SOX6: variants seen among roughly 807,000 people sequenced by gnomAD.
SOX6 encodes SRY-box transcription factor 6, also known as transcription factor SOX-6.
Under a neutral mutation model 97.8 loss-of-function variants are expected in SOX6, and 11 were observed. The ratio of observed to expected loss-of-function variants is 0.11; its 90% CI spans 0.07 to 0.19. The LOEUF (loss-of-function observed/expected upper bound fraction) is 0.19, where lower values mean the gene tolerates loss of function less well. SOX6 is among the 10% of genes least tolerant of loss of function. SOX6 has a pLI of 1.00. For missense variants in SOX6, 810 were observed against 1,039.5 expected (o/e 0.78, Z 3.04); for synonymous variants, 360 against 371.4 (o/e 0.97, Z 0.35).
intron 14 of SOX6, among the ~76,000 whole-genome samples, chr11:15,987,919 T>C (rs1853918704): frequency 1.3e-5 from 2 of 152,162 alleles, no homozygotes; most frequent in African/African-American, 4.8e-5. Context: ...TATTTGATCT[T>C]ATGTATGTTT....
At chr11:16,633,819 T>C (rs1216323896) in intron 3 of SOX6, among the ~76,000 whole-genome samples, 1 of 152,206 alleles carries the variant, frequency 6.6e-6, no homozygotes, top group African/African-American at 2.4e-5. Context: ...GAAATGACAG[T>C]TGAGCTGTTC....
intron 12 of SOX6, among the ~76,000 whole-genome samples, chr11:16,027,020 G>C (rs1031285699): frequency 6.6e-6 from 1 of 152,116 alleles, no homozygotes; most frequent in Admixed American, 6.6e-5. Flanking sequence ...ATCAATTACA[G>C]TATAATTACC....
intron 1 of SOX6, among the ~76,000 whole-genome samples, chr11:16,383,355 T>G (rs920117766): frequency 6.6e-6 from 1 of 151,928 alleles, no homozygotes; most frequent in Non-Finnish European, 1.5e-5. Context: ...TTATTTAGTT[T>G]TCTTAAAGGA....
chr11:15,978,874 A>C (rs914377699), intron 15 of SOX6, among the ~76,000 whole-genome samples: 8 of 137,464 alleles, frequency 5.8e-5, no homozygotes, highest in South Asian at 2.2e-4. Flanking sequence ...TATAACATAT[A>C]AGCATTATAT....
chr11:16,440,130 G>A (rs1859475092), intron 1 of SOX6, among the ~76,000 whole-genome samples: 1 of 152,174 alleles, frequency 6.6e-6, no homozygotes, highest in South Asian at 2.1e-4. Flanking sequence ...TATTACAAAG[G>A]TGTGTTGAAA....
rs1026620340 is a variant in SOX6, at chr11:16,447,805, A to T, written c.-5+28510T>A. Among the ~76,000 whole-genome samples, 13 of 152,220 alleles carry T rather than the reference A, an allele frequency of 8.5e-5. 1 individual carries two copies. The highest frequency in any genetic ancestry group is 8.5e-4 in the Admixed American group (13 of 15,286). ...AGTGACAAAATGAATTTTTGGAGTC[A>T]ATCAGCATGACTACTGTACAAGACA... On this transcript the variant is annotated intron_variant, in intron 1 of 15. Coordinates refer to the SOX6 transcript ENST00000396356.
In SOX6 at chr11:16,132,390, GAA is replaced by G. The variant is rs1351876910; in HGVS notation, c.778-20469_778-20468del. ...AGAAAGAAAGAAAGAAAGAAAGAAA[GAA>G]AGAAAGAAAAAAGAAAGAAAGAAAG... On this transcript the variant is annotated intron_variant, in intron 6 of 15. Coordinates refer to ENST00000683767, the MANE Select transcript of SOX6 (RefSeq NM_001367873.1). Among the ~76,000 whole-genome samples the G allele has an allele frequency of 6.5e-4, 46 of 71,086 alleles. 6 individuals carry two copies. Among genetic ancestry groups the G allele is most frequent in the East Asian group, 6.3e-3 (11 of 1,760 alleles). 46.6% of individuals were successfully genotyped at this position (71,086 alleles called of 152,430 possible). A position where few individuals can be genotyped will look rare whatever the true frequency, so the allele number is the denominator to read the frequency against.
chr11:16,563,277 A>C (rs970615943), intron 4 of SOX6, among the ~76,000 whole-genome samples: 1 of 152,126 alleles, frequency 6.6e-6, no homozygotes, highest in Non-Finnish European at 1.5e-5. Context: ...TTAAAAGCTC[A>C]ATAGTAAATT....
At chr11:16,050,049 C>A in intron 10 of SOX6, 111 bp from the exon 11 acceptor site, 1 of 1,095,460 alleles carries the variant, frequency 9.1e-7, no homozygotes, top group Non-Finnish European at 1.4e-6. Flanking sequence ...CATTCTCCTA[C>A]AATAATAACA....
intron 4 of SOX6, among the ~76,000 whole-genome samples, chr11:16,500,115 A>G (rs1030460686): frequency 1.3e-5 from 2 of 152,192 alleles, no homozygotes; most frequent in African/African-American, 4.8e-5. Flanking sequence ...ATCCACCATG[A>G]TCAAGTGGGC....
chr11:16,111,778 G>A lies in SOX6; in HGVS notation c.898+25C>T, dbSNP rs184080907. 7.3e-5 allele frequency: 118 copies of A among 1,612,678 alleles called. No individual in the cohort carries two copies. The Middle Eastern group carries it at 9.5e-4, about 13-fold the overall frequency. ...CATGCAGATCTGAGCATTTGGAAAAGAATGTTAAATCCCTCTCTACTTACC... is the reference window on the plus strand; with the variant it reads ...CATGCAGATCTGAGCATTTGGAAAAAAATGTTAAATCCCTCTCTACTTACC... On this transcript the variant is annotated intron_variant, in intron 7 of 15. Transcript: ENST00000683767.
At chr11:16,016,207 A>T (rs1854877991) in intron 12 of SOX6, among the ~76,000 whole-genome samples, 1 of 152,064 alleles carries the variant, frequency 6.6e-6, no homozygotes, top group Admixed American at 6.6e-5. Flanking sequence ...GCCTGACTAC[A>T]TTTGTGCTTT....
chr11:16,693,246 G>A (rs1321958114), intron 3 of SOX6, among the ~76,000 whole-genome samples: 3 of 152,090 alleles, frequency 2.0e-5, no homozygotes, highest in Non-Finnish European at 4.4e-5. Flanking sequence ...CAGCATTATT[G>A]TCACTAAAAA....
At chr11:16,609,540 A>C (rs1212679963) in intron 4 of SOX6, among the ~76,000 whole-genome samples, 1 of 152,148 alleles carries the variant, frequency 6.6e-6, no homozygotes, top group Admixed American at 6.5e-5. Context: ...CATGGGGAAG[A>C]CCTCCTACAG....
At chr11:16,001,004 G>T (rs575662942) in intron 13 of SOX6, among the ~76,000 whole-genome samples, 22 of 151,594 alleles carry the variant, frequency 1.5e-4, no homozygotes, top group East Asian at 2.0e-4. Context: ...TTACAGATGT[G>T]AGCCACTGTA....
intron 6 of SOX6, among the ~76,000 whole-genome samples, chr11:16,175,350 T>C (rs950785368): frequency 1.3e-5 from 2 of 151,952 alleles, no homozygotes. Context: ...TCAAAGCTAC[T>C]GTAAGGTATT....
In SOX6 at chr11:16,015,537, C is replaced by T. The variant is rs549311541; in HGVS notation, c.1624-487G>A. Among the ~76,000 whole-genome samples the T allele has an allele frequency of 2.6e-5, 4 of 152,078 alleles. No homozygotes were observed. The East Asian group carries it at 7.8e-4, about 30-fold the overall frequency. On this transcript the variant is annotated intron_variant, in intron 12 of 15. Transcript: ENST00000683767. ...AACAAATATTTCAAACCAGGCCAAC[C>T]AGAAGATGATTGATACTACTATTTT...
chr11:16,558,303 C>T (rs772674893), intron 4 of SOX6, among the ~76,000 whole-genome samples: 3 of 151,960 alleles, frequency 2.0e-5, no homozygotes, highest in African/African-American at 7.2e-5. Flanking sequence ...TGGAAAACTT[C>T]CTTGACATCA....
chr11:16,241,982 G>T (rs749449679), intron 3 of SOX6, among the ~76,000 whole-genome samples: 1 of 151,928 alleles, frequency 6.6e-6, no homozygotes, highest in Non-Finnish European at 1.5e-5. Context: ...ATTAATTTGA[G>T]TTGGGTTTCT....
Sources: gnomAD v4.1 joint callset for allele counts (sites outside exome capture counted in the v4.1 genomes callset) on GRCh38, gnomAD v4.1.1 for gene constraint, MANE v1.5 for transcripts, NCBI Gene and HGNC (gene_info 2026-07-23, HGNC 2026-07-21) for gene names.